The following UNC5A variants were observed in gnomAD, a reference collection of about 807,000 sequenced individuals.
UNC5A encodes the protein netrin receptor UNC5A.
A neutral mutation model predicts 87.4 loss-of-function variants in UNC5A; 20 were observed. The observed-to-expected ratio is 0.23, with a 90% CI of 0.16 to 0.33. The LOEUF is 0.33. Ranked by LOEUF, UNC5A falls within the 10% of genes least tolerant of loss-of-function variation. The probability of loss-of-function intolerance (pLI) is 1.00; values close to 1 mark genes in which losing one functional copy is unlikely to be tolerated. For synonymous variants in UNC5A, 438 were observed against 482.3 expected, an observed-to-expected ratio of 0.91 and a Z score of 1.20; for missense variants, 844 against 1,133.4, an observed-to-expected ratio of 0.74 and a Z score of 3.67.
intron 1 of UNC5A, among the ~76,000 whole-genome samples, chr5:176,831,248 C>A (rs1757016145): frequency 6.6e-6 from 1 of 152,160 alleles, no homozygotes; most frequent in Non-Finnish European, 1.5e-5. Context: ...GTGATAAAAT[C>A]TTTCATGTTA....
At chr5:176,855,506 G>A (rs1010024244) in intron 1 of UNC5A, among the ~76,000 whole-genome samples, 2 of 152,238 alleles carry the variant, frequency 1.3e-5, no homozygotes, top group African/African-American at 4.8e-5. Flanking sequence ...TGAGGGGAAG[G>A]CATTCTTTAA....
At chr5:176,879,638 C>T in intron 14 of UNC5A, 83 bp from the exon 15 acceptor site, 1 of 1,570,032 alleles carries the variant, frequency 6.4e-7, no homozygotes. Context: ...TCGGGGAGGC[C>T]CTGCCCTGGG....
At chr5:176,819,545 A>C (rs886654205) in intron 1 of UNC5A, among the ~76,000 whole-genome samples, 1 of 152,030 alleles carries the variant, frequency 6.6e-6, no homozygotes, top group African/African-American at 2.4e-5. Context: ...CCTCTATCCC[A>C]AGGTGGCTGC....
rs541845796 is a variant in UNC5A, at chr5:176,820,222, C to T, written c.70+9402C>T. Among the ~76,000 whole-genome samples the T allele has an allele frequency of 5.3e-5, 8 of 152,238 alleles. No homozygotes were observed. In the South Asian group the frequency reaches 1.7e-3, roughly 32 times the overall value. ...ACCATCCTGGCTAACATGGTGAAAC[C>T]ACGTCTCTACTAAAAATACAAAAAA... On this transcript the variant is annotated intron_variant, in intron 1 of 14. Transcript: ENST00000329542.
At chr5:176,856,213 C>A (rs758692050) in intron 1 of UNC5A, among the ~76,000 whole-genome samples, 6 of 152,222 alleles carry the variant, frequency 3.9e-5, no homozygotes, top group Non-Finnish European at 8.8e-5. Context: ...ACTTTCACAC[C>A]CACCTTGGGC....
chr5:176,853,598 T>A (rs554524735), intron 1 of UNC5A, among the ~76,000 whole-genome samples: 16 of 152,268 alleles, frequency 1.1e-4, no homozygotes, highest in Admixed American at 2.6e-4. Flanking sequence ...GAAACCAGAG[T>A]GCCGTGCTTG....
intron 2 of UNC5A, among the ~76,000 whole-genome samples, chr5:176,867,412 C>A (rs112250405): frequency 6.6e-5 from 10 of 152,276 alleles, no homozygotes; most frequent in African/African-American, 2.2e-4. Flanking sequence ...CCCAGCTCCC[C>A]CTCTGCTGGC....
chr5:176,865,230 C>A lies in UNC5A; in HGVS notation c.292+2385C>A, dbSNP rs1364561532. ...AAAGCACAGCCAGAGAGCTGCTCTC[C>A]TGCAGCCTGGAAGCTCCAGTCCAGC... is the stretch of plus-strand genomic sequence containing the variant. On this transcript the variant is annotated intron_variant, in intron 2 of 14. Transcript: ENST00000329542. The surrounding 1 kb of genome is among the most constrained non-coding windows in gnomAD (Gnocchi z 5.3). 6.6e-6 allele frequency among the ~76,000 whole-genome samples: 1 copy of A among 152,232 alleles called. No individual in the cohort carries two copies. The highest frequency in any genetic ancestry group is 2.4e-5 in the African/African-American group (1 of 41,456).
rs531735005 is a variant in UNC5A, at chr5:176,860,187, G to T, written c.71-2437G>T. On this transcript the variant is annotated intron_variant, in intron 1 of 14. Transcript: ENST00000329542. ...CTACCTGTTAAGGGATGTGGCACAG[G>T]TGGGCCGGGAACCTGCCACTGGGGG... Among the ~76,000 whole-genome samples the T allele has an allele frequency of 2.6e-5, 4 of 152,356 alleles. No individual in the cohort carries two copies. The South Asian group carries it at 8.3e-4, about 32-fold the overall frequency.
At chr5:176,825,421 G>A (rs1489458626) in intron 1 of UNC5A, among the ~76,000 whole-genome samples, 2 of 152,220 alleles carry the variant, frequency 1.3e-5, no homozygotes, top group Non-Finnish European at 2.9e-5. Context: ...CTGGGAGGAG[G>A]CAGGGAGAGC....
Position 176,838,224 on chromosome 5 carries a change from T to C in UNC5A, c.71-24400T>C, listed in dbSNP as rs144053833. Among the ~76,000 whole-genome samples the C allele has an allele frequency of 4.6e-3, 701 of 152,292 alleles. 3 individuals carry two copies. Among genetic ancestry groups the C allele is most frequent in the South Asian group, 9.5e-3 (46 of 4,828 alleles). On this transcript the variant is annotated intron_variant, in intron 1 of 14. Transcript: ENST00000329542. This position sits in a 1 kb window ranked among gnomAD's most constrained non-coding sequence, Gnocchi z 4.2. ...GGGAAGGAGCTGGAGAGGTGGGAAG[T>C]AGGGATTGGTGAGGCCTAATTCAGA...
chr5:176,879,909 C>T lies in UNC5A; in HGVS notation c.*23C>T. Reference sequence around the variant, plus strand: ...TGAGGCCGGCCAGGCCCGACACCTACACTCTCACCAGCTTTGGCACCCACC... The same window carrying T: ...TGAGGCCGGCCAGGCCCGACACCTATACTCTCACCAGCTTTGGCACCCACC... On this transcript the variant is annotated 3_prime_UTR_variant, in exon 15 of 15. Coordinates refer to ENST00000329542, the MANE Select transcript of UNC5A (RefSeq NM_133369.3). 1 of 1,602,094 alleles carries T rather than the reference C, an allele frequency of 6.2e-7. No individual in the cohort carries two copies. Among genetic ancestry groups the T allele is most frequent in the Non-Finnish European group, 8.5e-7 (1 of 1,175,364 alleles).
At chr5:176,856,069 G>C (rs569305530) in intron 1 of UNC5A, among the ~76,000 whole-genome samples, 1 of 152,234 alleles carries the variant, frequency 6.6e-6, no homozygotes, top group Admixed American at 6.5e-5. Flanking sequence ...GAGTGAGGCC[G>C]AGTGACGCCC....
chr5:176,832,069 G>T (rs1757044966), intron 1 of UNC5A, among the ~76,000 whole-genome samples: 1 of 151,812 alleles, frequency 6.6e-6, no homozygotes, highest in Non-Finnish European at 1.5e-5. Flanking sequence ...GCTAATTTTT[G>T]TATTTTTATT....
At chr5:176,828,495 C>T (rs1033299488) in intron 1 of UNC5A, among the ~76,000 whole-genome samples, 6 of 152,042 alleles carry the variant, frequency 3.9e-5, no homozygotes, top group East Asian at 1.9e-4. Flanking sequence ...CTTGAGGGCA[C>T]GGAGGCCCAG....
chr5:176,870,427 A>T lies in UNC5A; in HGVS notation c.779A>T (p.His260Leu). 6.2e-7 allele frequency: 1 copy of T among 1,612,176 alleles called. No homozygotes were observed. Among genetic ancestry groups the T allele is most frequent in the Non-Finnish European group, 8.5e-7 (1 of 1,179,562 alleles). Residue 260 changes from histidine to leucine, a missense_variant, in exon 6 of 15, where the codon CAC (histidine) becomes CTC (leucine). Around this residue, in one of 3 missense-constraint regions of UNC5A, gnomAD observed 314 missense variants for 466.5 expected, o/e 0.67. Coordinates refer to ENST00000329542, the MANE Select transcript of UNC5A (RefSeq NM_133369.3). Reference sequence around the variant, plus strand: ...TCGGCCTGTGGGCTGGACTGCACCCACTGGCGGAGCCGTGAGTGCTCTGAC... The same window carrying T: ...TCGGCCTGTGGGCTGGACTGCACCCTCTGGCGGAGCCGTGAGTGCTCTGAC... Reference protein sequence around the residue: ...KWSACGLDCTHWRSRECSDPA... With the variant: ...KWSACGLDCTLWRSRECSDPA...
intron 1 of UNC5A, among the ~76,000 whole-genome samples, chr5:176,839,283 G>A (rs907531868): frequency 1.3e-5 from 2 of 152,252 alleles, no homozygotes; most frequent in African/African-American, 4.8e-5. Context: ...GAGCAGGTAG[G>A]GGGGCCAAGG....
chr5:176,818,344 G>A (rs1756645001), intron 1 of UNC5A, among the ~76,000 whole-genome samples: 3 of 152,226 alleles, frequency 2.0e-5, no homozygotes, highest in African/African-American at 7.2e-5. Context: ...GCTGTCCTCT[G>A]CAGGCTGGGG....
chr5:176,865,465 C>T lies in UNC5A; in HGVS notation c.292+2620C>T, dbSNP rs761901923. 5.4e-5 allele frequency: 21 copies of T among 388,794 alleles called. No homozygotes were observed. The highest frequency in any genetic ancestry group is 4.3e-4 in the Middle Eastern group (1 of 2,322). The allele number at this position is 388,794 out of a possible 1,614,324, so 24.1% of individuals were successfully genotyped here. A position where few individuals can be genotyped will look rare whatever the true frequency, so the allele number is the denominator to read the frequency against. ...TCCTGTGGCCCTGTTCTCTTCCTGCCGGGCAGAGAAGCAGAGCTTGGGACA... is the reference window on the plus strand; with the variant it reads ...TCCTGTGGCCCTGTTCTCTTCCTGCTGGGCAGAGAAGCAGAGCTTGGGACA... On this transcript the variant is annotated intron_variant, in intron 2 of 14. Coordinates refer to ENST00000329542, the MANE Select transcript of UNC5A (RefSeq NM_133369.3). The surrounding 1 kb of genome is among the most constrained non-coding windows in gnomAD (Gnocchi z 5.3).
Sources: allele counts gnomAD v4.1 joint callset (sites outside exome capture counted in the v4.1 genomes callset), GRCh38; gene constraint gnomAD v4.1.1; regional missense constraint gnomAD v4.1.1; non-coding constraint Gnocchi (gnomAD v3.1); transcripts MANE v1.5; gene names NCBI Gene and HGNC (gene_info 2026-07-23, HGNC 2026-07-21).